Variants in FAM72B observed in about 807,000 individuals in gnomAD.
FAM72B encodes the protein protein FAM72B.
FAM72B carries 4 observed loss-of-function variants against 12.6 expected under a neutral mutation model. The observed-to-expected ratio is 0.32, with a 90% CI of 0.16 to 0.73. The LOEUF is 0.73. Among genes scored for constraint, FAM72B ranks in the 30% least tolerant of loss-of-function variants. The pLI is 0.67. For missense variants in FAM72B, 61 were observed against 158.4 expected (o/e 0.39, Z 3.30); for synonymous variants, 13 against 53.9 (o/e 0.24, Z 3.32).
intron 3 of FAM72B, among the ~76,000 whole-genome samples, chr1:121,170,174 T>C (rs1466739638): frequency 6.6e-6 from 1 of 150,598 alleles, no homozygotes; most frequent in African/African-American, 2.4e-5. Flanking sequence ...TTTCACCACG[T>C]TGGTCAGGGT....
At chr1:121,180,140 G>T (rs1237045996) in intron 2 of FAM72B, among the ~76,000 whole-genome samples, 1 of 85,054 alleles carries the variant, frequency 1.2e-5, no homozygotes, top group African/African-American at 6.0e-5. Context: ...TATAGTAATA[G>T]CTCTCAGCTG....
At chr1:121,171,352 CAA>C (rs1654086597) in intron 3 of FAM72B, among the ~76,000 whole-genome samples, 1 of 83,900 alleles carries the variant, frequency 1.2e-5, no homozygotes, top group Non-Finnish European at 2.3e-5. Context: ...ATTAGGGTTA[CAA>C]AGCAGAAGCT....
intron 1 of FAM72B, chr1:121,183,113 C>G (rs1290211435): frequency 1.6e-5 from 2 of 126,010 alleles, no homozygotes; most frequent in East Asian, 1.9e-4. Flanking sequence ...GGTCGCATGA[C>G]TGCAATTGAA....
rs1220008661 is a variant in FAM72B at position 121,176,758 on chromosome 1, T to A, written c.355+450A>T. On this transcript the variant is annotated intron_variant, in intron 3 of 3. Coordinates refer to ENST00000369390, the MANE Select transcript of FAM72B (RefSeq NM_001100910.2). ...ACGTATTAACATAGATGTCGAAATG[T>A]CTGTTTTTATTCTGAAGCATCACTA... is the stretch of plus-strand genomic sequence containing the variant. Among the ~76,000 whole-genome samples the A allele has an allele frequency of 5.9e-5, 9 of 152,114 alleles. No individual in the cohort carries two copies. In the South Asian group the frequency reaches 1.9e-3, roughly 32 times the overall value.
chr1:121,170,224 G>A (rs1156721212), intron 3 of FAM72B, among the ~76,000 whole-genome samples: 21 of 143,776 alleles, frequency 1.5e-4, no homozygotes, highest in African/African-American at 2.3e-4. Flanking sequence ...CCCTCGCCTC[G>A]GCCTCCCAAA....
chr1:121,169,931 A>T (rs1654056084), intron 3 of FAM72B, among the ~76,000 whole-genome samples: 1 of 152,038 alleles, frequency 6.6e-6, no homozygotes, highest in Non-Finnish European at 1.5e-5. Flanking sequence ...AAAATAACTG[A>T]CCTCTAGGAT....
Position 121,183,584 on chromosome 1 carries a change from C to G in FAM72B, c.-95G>C, listed in dbSNP as rs1654386802. ...TTCCCCTAGGCTAAAATTCAAGTTG[C>G]GGGACCTAGAGCTTTTCTAAGTCCT... On this transcript the variant is annotated 5_prime_UTR_variant, in exon 1 of 4. Transcript: ENST00000369390. 6.2e-7 allele frequency: 1 copy of G among 1,609,328 alleles called. No individual in the cohort carries two copies. The highest frequency in any genetic ancestry group is 1.3e-5 in the African/African-American group (1 of 74,466).
intron 3 of FAM72B, among the ~76,000 whole-genome samples, chr1:121,172,984 C>T (rs9331193): frequency 7.3e-5 from 9 of 122,494 alleles, no homozygotes; most frequent in South Asian, 2.7e-4. Context: ...GGCTGAGGCA[C>T]GAGAATCGCT....
At chr1:121,178,744 C>T (rs1317441823) in intron 2 of FAM72B, among the ~76,000 whole-genome samples, 6 of 151,890 alleles carry the variant, frequency 4.0e-5, no homozygotes, top group East Asian at 1.9e-4. Flanking sequence ...AACAGTCTAG[C>T]GAGGCTACAT....
At chr1:121,180,411 T>C (rs1654308206) in intron 2 of FAM72B, among the ~76,000 whole-genome samples, 2 of 132,240 alleles carry the variant, frequency 1.5e-5, no homozygotes, top group Admixed American at 7.4e-5. Flanking sequence ...TAGCTGGGCA[T>C]GGTGGTGCGT....
intron 3 of FAM72B, among the ~76,000 whole-genome samples, chr1:121,172,859 G>A (rs1438821824): frequency 3.4e-4 from 45 of 130,438 alleles, no homozygotes; most frequent in Middle Eastern, 3.5e-3. Context: ...TGAGGCAGGC[G>A]GATCCCCTGA....
At chr1:121,168,918 T>C (rs1654031252) in intron 3 of FAM72B, 83 bp from the exon 4 acceptor site, 5 of 720,510 alleles carry the variant, frequency 6.9e-6, no homozygotes, top group South Asian at 1.9e-5. Context: ...TATATGTTAA[T>C]ATTCTTATGT....
rs587705779 is a variant in FAM72B at position 121,178,599 on chromosome 1, G to A, written c.231-1267C>T. Among the ~76,000 whole-genome samples, 78 of 128,102 alleles carry A rather than the reference G, an allele frequency of 6.1e-4. No homozygotes were observed. The South Asian group carries it at 8.6e-3, about 14-fold the overall frequency. The allele number at this position is 128,102 out of a possible 152,430, so 84.0% of individuals were successfully genotyped here. A position where few individuals can be genotyped will look rare whatever the true frequency, so the allele number is the denominator to read the frequency against. On this transcript the variant is annotated intron_variant, in intron 2 of 3. Transcript: ENST00000369390. ...AGTAAATTCCATGACTTTAATTACC[G>A]CCTATATTCATTCATTCATCCATTG...
rs1385490231 is a variant in FAM72B, at chr1:121,168,613, A to G, written c.*128T>C. The G allele has an allele frequency of 7.2e-5, 73 of 1,016,630 alleles. No individual in the cohort carries two copies. The African/African-American group carries it at 1.2e-3, about 16-fold the overall frequency. 63.0% of individuals were successfully genotyped at this position (1,016,630 alleles called of 1,614,324 possible). ...GTAACTAATTAGAGACGGAAAATAA[A>G]TAAATCAACAAATGCCCCATTTTTG... On this transcript the variant is annotated 3_prime_UTR_variant, in exon 4 of 4. Coordinates refer to ENST00000369390, the MANE Select transcript of FAM72B (RefSeq NM_001100910.2).
rs1654027784 is a variant in FAM72B, at chr1:121,168,823, A to G, written c.368T>C (p.Leu123Pro). The change falls in exon 4 of 4, where the codon CTA (leucine) becomes CCA (proline). Residue 123 changes from leucine to proline, a missense_variant. Leu to Pro is a moderately conservative substitution (Grantham distance 98, BLOSUM62 -3). This residue lies in a region of FAM72B where 49 missense variants were observed against 80.4 expected (regional missense o/e 0.61). Coordinates refer to ENST00000369390, the MANE Select transcript of FAM72B (RefSeq NM_001100910.2). ...NRLDSTGVNI[L>P]LWGNLPEIEE... is the part of the protein sequence containing the mutation. ...TATCTCTGGCAAGTTGCCCCAAAGT[A>G]GGATGTTTACACCTGAAAATAAAAA... 1.2e-6 allele frequency: 2 copies of G among 1,609,094 alleles called. No homozygotes were observed. The highest frequency in any genetic ancestry group is 1.7e-5 in the Admixed American group (1 of 59,434).
At chr1:121,177,604 T>A (rs1654244593) in intron 2 of FAM72B, among the ~76,000 whole-genome samples, 2 of 144,850 alleles carry the variant, frequency 1.4e-5, no homozygotes, top group Non-Finnish European at 3.0e-5. Flanking sequence ...GTTTTGCTCT[T>A]GTCACCCAGG....
At chr1:121,180,473 T>C (rs1386257412) in intron 2 of FAM72B, among the ~76,000 whole-genome samples, 1 of 100,398 alleles carries the variant, frequency 1.0e-5, no homozygotes, top group African/African-American at 4.4e-5. Flanking sequence ...CACTTGAACC[T>C]GGGAGGTGGA....
In FAM72B at chr1:121,177,279, G is replaced by T. The variant is rs781867354; in HGVS notation, c.284C>A (p.Ser95Tyr). ...CATCCAGAAGTGTCCGTTGTTGCAG[G>T]AAGGAAGACAGGAACTACATGGAAC... is the stretch of plus-strand genomic sequence containing the variant. ...VIVPCSSCLP[S>Y]CNNGHFWMFH... Residue 95 changes from serine (S) to tyrosine (Y), a missense_variant, in exon 3 of 4, where the codon TCC becomes TAC. Around this residue, in one of 2 missense-constraint regions of FAM72B, gnomAD observed 49 missense variants for 80.4 expected, o/e 0.61. Transcript: ENST00000369390. 1 of 1,611,782 alleles carries T rather than the reference G, an allele frequency of 6.2e-7. No individual in the cohort carries two copies. Among genetic ancestry groups the T allele is most frequent in the East Asian group, 2.2e-5 (1 of 44,836 alleles).
intron 3 of FAM72B, among the ~76,000 whole-genome samples, chr1:121,169,827 G>A (rs1379733670): frequency 1.3e-4 from 19 of 151,652 alleles, no homozygotes; most frequent in African/African-American, 4.6e-4. Context: ...ATGAAGCACA[G>A]GTATACAGTA....
Sources: gnomAD v4.1 joint callset for allele counts (sites outside exome capture counted in the v4.1 genomes callset) on GRCh38, gnomAD v4.1.1 for gene constraint, gnomAD v4.1.1 regional missense constraint, MANE v1.5 for transcripts, NCBI Gene and HGNC (gene_info 2026-07-23, HGNC 2026-07-21) for gene names.